The following GMDS variants were observed in gnomAD, a reference collection of about 807,000 sequenced individuals.
The protein encoded by GMDS is GDP-mannose 4,6 dehydratase.
Under a neutral mutation model 49.9 loss-of-function variants are expected in GMDS, and 20 were observed. The observed-to-expected ratio is 0.40, with a 90% CI of 0.28 to 0.58. GMDS has a LOEUF of 0.58. Ranked by LOEUF, GMDS falls within the 20% of genes least tolerant of loss-of-function variation. GMDS has a pLI of 0.42. For synonymous variants in GMDS, 177 were observed against 178.6 expected, an observed-to-expected ratio of 0.99 and a Z score of 0.07; for missense variants, 362 against 481.4, an observed-to-expected ratio of 0.75 and a Z score of 2.32.
intron 7 of GMDS, among the ~76,000 whole-genome samples, chr6:1,817,108 TACACAC>T (rs3839594): frequency 1.4e-5 from 2 of 146,026 alleles, no homozygotes; most frequent in African/African-American, 5.1e-5. Context: ...ATTGCTCCTT[TACACAC>T]ACACACACAC....
chr6:2,175,585 A>G (rs948658652), intron 1 of GMDS, among the ~76,000 whole-genome samples: 1 of 152,214 alleles, frequency 6.6e-6, no homozygotes, highest in South Asian at 2.1e-4. Context: ...ATTTCACTCA[A>G]TGAATTGCCC....
At chr6:1,675,099 G>A (rs1419822389) in intron 9 of GMDS, among the ~76,000 whole-genome samples, 1 of 151,844 alleles carries the variant, frequency 6.6e-6, no homozygotes, top group African/African-American at 2.4e-5. Flanking sequence ...CACCACGCCT[G>A]GCTAATTTTG....
At position 1,775,945 on chromosome 6, in the gene GMDS, G is replaced by A. The variant is rs185879195; in HGVS notation, c.772-33359C>T. On this transcript the variant is annotated intron_variant, in intron 7 of 10. Coordinates refer to ENST00000380815, the MANE Select transcript of GMDS (RefSeq NM_001500.4). ...AGTTTATTTTTGAGAAATAAAAAAA[G>A]GGAGATGGGAGGTATGTGGGGTTTT... Among the ~76,000 whole-genome samples the A allele has an allele frequency of 6.6e-5, 10 of 152,278 alleles. No homozygotes were observed. The East Asian group carries it at 1.9e-3, about 29-fold the overall frequency.
intron 1 of GMDS, among the ~76,000 whole-genome samples, chr6:2,125,184 T>A (rs1775350961): frequency 6.6e-6 from 1 of 152,172 alleles, no homozygotes; most frequent in Admixed American, 6.5e-5. Context: ...ACACCTATAA[T>A]CCTGGTACTT....
chr6:1,843,642 C>A (rs1173457526), intron 7 of GMDS, among the ~76,000 whole-genome samples: 2 of 152,100 alleles, frequency 1.3e-5, no homozygotes, highest in East Asian at 3.9e-4. Flanking sequence ...GTGGCACGCA[C>A]CTGTAGTCCC....
intron 4 of GMDS, among the ~76,000 whole-genome samples, chr6:2,033,440 A>G (rs1050838164): frequency 4.6e-5 from 7 of 152,226 alleles, no homozygotes; most frequent in Non-Finnish European, 8.8e-5. Context: ...ACTTTCTGAA[A>G]AAGTTGTATA....
intron 4 of GMDS, among the ~76,000 whole-genome samples, chr6:1,981,841 C>T (rs558478183): frequency 4.8e-4 from 73 of 152,350 alleles, no homozygotes; most frequent in African/African-American, 1.5e-3. Context: ...AAGTTGGCTT[C>T]ATGCCCAGGA....
At chr6:1,929,051 T>C (rs1453068937) in intron 7 of GMDS, among the ~76,000 whole-genome samples, 1 of 152,212 alleles carries the variant, frequency 6.6e-6, no homozygotes, top group Non-Finnish European at 1.5e-5. Context: ...GCTAATTATT[T>C]TGTGCATAAC....
chr6:2,239,030 A>T (rs925064043), intron 1 of GMDS, among the ~76,000 whole-genome samples: 7 of 149,362 alleles, frequency 4.7e-5, no homozygotes, highest in East Asian at 3.9e-4. Context: ...GGTTTCATTT[A>T]AAAAAAAAAC....
chr6:1,683,097 C>T (rs923254964), intron 9 of GMDS, among the ~76,000 whole-genome samples: 20 of 152,294 alleles, frequency 1.3e-4, no homozygotes, highest in African/African-American at 4.8e-4. Context: ...CTACAGCACA[C>T]ATTTTACTCC....
intron 1 of GMDS, among the ~76,000 whole-genome samples, chr6:2,136,471 C>T (rs1047824696): frequency 2.6e-5 from 4 of 152,200 alleles, no homozygotes; most frequent in African/African-American, 9.6e-5. Flanking sequence ...AATTCCAGCA[C>T]TTTGGGAAGC....
At chr6:1,676,215 C>T (rs546382877) in intron 9 of GMDS, among the ~76,000 whole-genome samples, 24 of 152,278 alleles carry the variant, frequency 1.6e-4, no homozygotes, top group Non-Finnish European at 3.1e-4. Flanking sequence ...CTTAGGAATC[C>T]AACTTACAAG....
At chr6:2,214,822 C>T (rs1328170179) in intron 1 of GMDS, among the ~76,000 whole-genome samples, 3 of 152,156 alleles carry the variant, frequency 2.0e-5, no homozygotes, top group Non-Finnish European at 4.4e-5. Flanking sequence ...GCAGGAGCTT[C>T]TCTTTTTAAA....
chr6:2,000,060 A>C (rs1581493079), intron 4 of GMDS, among the ~76,000 whole-genome samples: 2 of 62,012 alleles, frequency 3.2e-5, no homozygotes, highest in Non-Finnish European at 6.0e-5. Context: ...TTTGAGATGG[A>C]GTCTCATTCT....
chr6:2,231,789 A>G (rs1285309732), intron 1 of GMDS, among the ~76,000 whole-genome samples: 2 of 152,222 alleles, frequency 1.3e-5, no homozygotes, highest in Non-Finnish European at 2.9e-5. Flanking sequence ...ATATGAGATA[A>G]CGTGTGTCCT....
At chr6:2,233,324 T>C (rs2127596628) in intron 1 of GMDS, among the ~76,000 whole-genome samples, 1 of 152,288 alleles carries the variant, frequency 6.6e-6, no homozygotes, top group Middle Eastern at 3.4e-3. Flanking sequence ...AGATATCATC[T>C]ATGATCAGTA....
chr6:2,182,669 T>C (rs939954134), intron 1 of GMDS, among the ~76,000 whole-genome samples: 2 of 152,244 alleles, frequency 1.3e-5, no homozygotes, highest in Non-Finnish European at 2.9e-5. Context: ...ATTGGTTTAC[T>C]GAATATTTTA....
chr6:1,932,198 C>G (rs972640063), intron 6 of GMDS, among the ~76,000 whole-genome samples: 6 of 152,172 alleles, frequency 3.9e-5, no homozygotes, highest in South Asian at 4.1e-4. Flanking sequence ...AAGGGCCTTT[C>G]TCTTCCAACT....
chr6:1,624,443 G>A (rs778821858), intron 10 of GMDS, 29 bp downstream of exon 10: 16 of 1,596,164 alleles, frequency 1.0e-5, no homozygotes, highest in East Asian at 2.2e-5. Context: ...GCCCCGCAGC[G>A]GGCGGCGTGC....
Sources: gnomAD v4.1 joint callset for allele counts (sites outside exome capture counted in the v4.1 genomes callset) on GRCh38, gnomAD v4.1.1 for gene constraint, MANE v1.5 for transcripts, NCBI Gene and HGNC (gene_info 2026-07-23, HGNC 2026-07-21) for gene names.